RYR2: variants seen among roughly 807,000 people sequenced by gnomAD.
RYR2 encodes the protein cardiac muscle ryanodine receptor-calcium release channel.
RYR2 carries 227 observed loss-of-function variants against 601.1 expected under a neutral mutation model. The ratio of observed to expected loss-of-function variants is 0.38; its 90% CI spans 0.34 to 0.42. The LOEUF (loss-of-function observed/expected upper bound fraction) is 0.42, where lower values mean the gene tolerates loss of function less well. RYR2 is among the 10% of genes least tolerant of loss of function. The probability of loss-of-function intolerance (pLI) is 1.00; values close to 1 mark genes in which losing one functional copy is unlikely to be tolerated. For synonymous variants in RYR2, 2,223 were observed against 2,175.1 expected, an observed-to-expected ratio of 1.02 and a Z score of -0.61; for missense variants, 4,646 against 6,156.5, an observed-to-expected ratio of 0.75 and a Z score of 8.21.
intron 3 of RYR2, 28 bp downstream of exon 3, chr1:237,331,010 A>G (rs374926529): frequency 1.3e-6 from 2 of 1,556,328 alleles, no homozygotes; most frequent in African/African-American, 1.4e-5. Flanking sequence ...GTAGACTTGT[A>G]GTATTTTAAT....
intron 12 of RYR2, among the ~76,000 whole-genome samples, chr1:237,433,950 T>C (rs1309344281): frequency 6.6e-6 from 1 of 152,202 alleles, no homozygotes; most frequent in African/African-American, 2.4e-5. Context: ...CTGGTTGACA[T>C]AATTACTGTG....
At chr1:237,359,381 A>G (rs1199079673) in intron 4 of RYR2, among the ~76,000 whole-genome samples, 1 of 152,122 alleles carries the variant, frequency 6.6e-6, no homozygotes, top group Non-Finnish European at 1.5e-5. Flanking sequence ...AAATAGAACC[A>G]TTGTTAAGTC....
Position 237,593,410 on chromosome 1 carries a change from T to C in RYR2, c.4276-66T>C, listed in dbSNP as rs565410316. The C allele has an allele frequency of 2.4e-5, 36 of 1,489,694 alleles. No individual in the cohort carries two copies. The African/African-American group carries it at 4.6e-4, about 19-fold the overall frequency. 92.3% of individuals were successfully genotyped at this position (1,489,694 alleles called of 1,614,324 possible). ...TTCACAGACTTAGACACAGTTAGGA[T>C]TGCAAATCCAAGTTTTGTTTTGTTT... On this transcript the variant is annotated intron_variant, in intron 32 of 104. Coordinates refer to ENST00000366574, the MANE Select transcript of RYR2 (RefSeq NM_001035.3).
At chr1:237,728,719 G>A (rs1490068385) in intron 76 of RYR2, among the ~76,000 whole-genome samples, 5 of 151,582 alleles carry the variant, frequency 3.3e-5, no homozygotes, top group Admixed American at 2.6e-4. Flanking sequence ...TCACTCATAA[G>A]TGGGAGTCGA....
intron 1 of RYR2, among the ~76,000 whole-genome samples, chr1:237,061,351 T>G (rs1440906916): frequency 6.6e-6 from 1 of 151,860 alleles, no homozygotes; most frequent in Non-Finnish European, 1.5e-5. Context: ...AGAGTCTCAT[T>G]CTGTTGCCCA....
Position 237,078,713 on chromosome 1 carries a change from C to T in RYR2, c.48+36144C>T, listed in dbSNP as rs1489331036. On this transcript the variant is annotated intron_variant, in intron 1 of 104. Coordinates refer to ENST00000366574, the MANE Select transcript of RYR2 (RefSeq NM_001035.3). ...TACCAGAGGTACAAGGAGGAACTGG[C>T]ACCATTCCTTCTGAAACTATTCCAA... Among the ~76,000 whole-genome samples the T allele has an allele frequency of 3.3e-4, 44 of 135,014 alleles. No individual in the cohort carries two copies. The East Asian group carries it at 3.4e-3, about 10-fold the overall frequency. The allele number at this position is 135,014 out of a possible 152,430, so 88.6% of individuals were successfully genotyped here.
intron 63 of RYR2, among the ~76,000 whole-genome samples, chr1:237,696,937 A>G (rs2461315): frequency 0.31 from 47,094 of 151,904 alleles, 7,681 homozygotes; most frequent in Middle Eastern, 0.51. Flanking sequence ...AATTTCCCAC[A>G]TAGGGAATTA....
chr1:237,609,645 G>A (rs906188517), intron 35 of RYR2, among the ~76,000 whole-genome samples: 6 of 152,034 alleles, frequency 3.9e-5, no homozygotes, highest in Non-Finnish European at 8.8e-5. Flanking sequence ...GATTACAGGC[G>A]TGAGCCATGG....
At chr1:237,645,057 A>G (rs949010574) in intron 48 of RYR2, among the ~76,000 whole-genome samples, 1 of 152,106 alleles carries the variant, frequency 6.6e-6, no homozygotes, top group Non-Finnish European at 1.5e-5. Context: ...AAAAAACATA[A>G]TTAGGCAGGA....
chr1:237,746,414 G>A lies in RYR2; in HGVS notation c.11145+4065G>A, dbSNP rs1049307275. On this transcript the variant is annotated intron_variant, in intron 80 of 104. Coordinates refer to ENST00000366574, the MANE Select transcript of RYR2 (RefSeq NM_001035.3). The stretch of plus-strand genomic sequence containing the variant: ...CCATAAAGTCATTGAGAAGAGAAAC[G>A]AAGTAGGTAAAAAGAAAAGTGCTAT... Among the ~76,000 whole-genome samples, 9 of 152,040 alleles carry A rather than the reference G, an allele frequency of 5.9e-5. No individual in the cohort carries two copies. In the East Asian group the frequency reaches 1.2e-3, roughly 20 times the overall value.
At chr1:237,798,801 C>CATAT (rs1553331126) in intron 97 of RYR2, among the ~76,000 whole-genome samples, 16 of 148,398 alleles carry the variant, frequency 1.1e-4, no homozygotes, top group African/African-American at 3.9e-4. Flanking sequence ...CACACACACA[C>CATAT]ATATAGTGTG....
At chr1:237,789,519 ATAGTTCTATTATAGGTCATGGCTGCAGG>A (rs1658095469) in intron 92 of RYR2, among the ~76,000 whole-genome samples, 1 of 122,138 alleles carries the variant, frequency 8.2e-6, no homozygotes, top group African/African-American at 4.1e-5. Flanking sequence ...GGCTGCAGGT[ATAGTTCTATTATAGGTCATGGCTGCAGG>A]TATAGTTCTA....
rs727504133 is a variant in RYR2, at chr1:237,610,838, A to G, written c.4760A>G (p.His1587Arg). The G allele has an allele frequency of 6.2e-7, 1 of 1,613,132 alleles. No homozygotes were observed. The highest frequency in any genetic ancestry group is 1.7e-5 in the Admixed American group (1 of 59,926). The change falls in exon 36 of 105, where the codon CAC becomes CGC. Residue 1587 changes from histidine to arginine, a missense_variant. Coordinates refer to ENST00000366574, the MANE Select transcript of RYR2 (RefSeq NM_001035.3). The surrounding 1 kb of genome is among the most constrained non-coding windows in gnomAD (Gnocchi z 4.9). ...GTGCCGCAGTGCCCCCCGCGCCTCC[A>G]CGTGCAGTTCCTGTCACACGTCCTG... The part of the protein sequence containing the change: ...NPVPQCPPRL[H>R]VQFLSHVLWS...
intron 2 of RYR2, among the ~76,000 whole-genome samples, chr1:237,274,497 CTAAG>C (rs1690061752): frequency 6.6e-6 from 1 of 151,716 alleles, no homozygotes; most frequent in South Asian, 2.1e-4. Flanking sequence ...GTATTTTAAG[CTAAG>C]TGTTATTACA....
intron 9 of RYR2, among the ~76,000 whole-genome samples, chr1:237,387,798 C>T (rs192359048): frequency 6.6e-6 from 1 of 152,278 alleles, no homozygotes; most frequent in East Asian, 1.9e-4. Context: ...CTGGTTATTC[C>T]AACTTACATA....
intron 101 of RYR2, among the ~76,000 whole-genome samples, chr1:237,824,012 A>G (rs1478245543): frequency 6.6e-6 from 1 of 152,120 alleles, no homozygotes; most frequent in Non-Finnish European, 1.5e-5. Flanking sequence ...ATCAATAATA[A>G]GTTCTGAAAT....
At chr1:237,752,462 TAAAAAAAA>T (rs11336558) in intron 80 of RYR2, among the ~76,000 whole-genome samples, 1 of 143,020 alleles carries the variant, frequency 7.0e-6, no homozygotes. Context: ...TTTATTTAAT[TAAAAAAAA>T]AAAAAAGAAA....
At chr1:237,063,036 T>C (rs1558167009) in intron 1 of RYR2, among the ~76,000 whole-genome samples, 1 of 152,038 alleles carries the variant, frequency 6.6e-6, no homozygotes, top group Non-Finnish European at 1.5e-5. Flanking sequence ...TAACCCCCAA[T>C]GTGATAGTAG....
At position 237,803,396 on chromosome 1, in the gene RYR2, T is replaced by C. The variant is rs532038477; in HGVS notation, c.14151+1480T>C. On this transcript the variant is annotated intron_variant, in intron 98 of 104. Transcript: ENST00000366574. ...TCCGCTCACTGCAAGCTCCGCCTCC[T>C]GGGTTCACACCATTCTGCCTCAGCC... Among the ~76,000 whole-genome samples, 29 of 152,086 alleles carry C rather than the reference T, an allele frequency of 1.9e-4. No homozygotes were observed. In the East Asian group the frequency reaches 2.5e-3, roughly 13 times the overall value.
Sources: allele counts gnomAD v4.1 joint callset (sites outside exome capture counted in the v4.1 genomes callset), GRCh38; gene constraint gnomAD v4.1.1; non-coding constraint Gnocchi (gnomAD v3.1); transcripts MANE v1.5; gene names NCBI Gene and HGNC (gene_info 2026-07-23, HGNC 2026-07-21).